PSMC4: variants seen among roughly 807,000 people sequenced by gnomAD.
PSMC4 encodes the protein proteasome 26S subunit, ATPase 4.
In PSMC4, 13 loss-of-function variants were observed where a neutral mutation model predicts 48.4. The ratio of observed to expected loss-of-function variants is 0.27; its 90% confidence interval spans 0.18 to 0.43. The LOEUF (loss-of-function observed/expected upper bound fraction) is 0.43. PSMC4 is among the 20% of genes least tolerant of loss of function. PSMC4 has a pLI of 1.00. For missense variants in PSMC4, 262 were observed against 555.9 expected (o/e 0.47, Z 5.32); for synonymous variants, 202 against 212.3 (o/e 0.95, Z 0.42).
Position 39,980,721 on chromosome 19 carries a change from A to G in PSMC4, c.1143+4A>G. ...TATTAACTCCATCTGTCAGGAGGTAAGTGGTGGTTTCTCTCTGGATCCAGG... is the reference window on the plus strand; with the variant it reads ...TATTAACTCCATCTGTCAGGAGGTAGGTGGTGGTTTCTCTCTGGATCCAGG... On this transcript the variant is annotated splice_donor_region_variant and intron_variant, in intron 10 of 10. Transcript: ENST00000157812. The surrounding 1 kb of genome is among the most constrained non-coding windows in gnomAD (Gnocchi z 4.8). 1 of 1,613,842 alleles carries G rather than the reference A, an allele frequency of 6.2e-7. No individual in the cohort carries two copies. Among genetic ancestry groups the G allele is most frequent in the African/African-American group, 1.3e-5 (1 of 75,014 alleles).
chr19:39,974,324 C>T lies in PSMC4; in HGVS notation c.353C>T (p.Thr118Ile). The stretch of plus-strand genomic sequence containing the variant: ...AACTATTATGTGCGCATCCTGAGCA[C>T]CATCGATCGGGAGCTGCTCAAGCCC... ...GSNYYVRILS[T>I]IDRELLKPNA... Residue 118 changes from threonine to isoleucine, a missense_variant, in exon 4 of 11, where the codon ACC becomes ATC. Thr to Ile is a moderately conservative substitution (Grantham distance 89). This residue lies in a region of PSMC4 where 131 missense variants were observed against 276.7 expected (regional missense o/e 0.47). Transcript: ENST00000157812. The surrounding 1 kb of genome is among the most constrained non-coding windows in gnomAD (Gnocchi z 5.5). The T allele has an allele frequency of 6.2e-7, 1 of 1,614,188 alleles. No homozygotes were observed. The highest frequency in any genetic ancestry group is 8.5e-7 in the Non-Finnish European group (1 of 1,180,036).
At chr19:39,972,624 C>T in intron 3 of PSMC4, 69 bp downstream of exon 3, 3 of 1,450,322 alleles carry the variant, frequency 2.1e-6, no homozygotes, top group Non-Finnish European at 2.8e-6. Context: ...TGCTAGGCAG[C>T]AGCAAACAAG....
Position 39,980,247 on chromosome 19 carries a change from G to A in PSMC4, c.919-39G>A. The stretch of plus-strand genomic sequence containing the variant: ...GGTTATCGTGACAGGAAGGAGGTAG[G>A]AGTGCAGAGATCTGAGCTGGCCTGC... On this transcript the variant is annotated intron_variant, in intron 8 of 10. Coordinates refer to ENST00000157812, the MANE Select transcript of PSMC4 (RefSeq NM_006503.4). The surrounding 1 kb of genome is among the most constrained non-coding windows in gnomAD (Gnocchi z 4.8). 1 of 1,613,670 alleles carries A rather than the reference G, an allele frequency of 6.2e-7. No homozygotes were observed. Among genetic ancestry groups the A allele is most frequent in the Non-Finnish European group, 8.5e-7 (1 of 1,179,802 alleles).
At chr19:39,971,342 G>A (rs1971097726) in intron 1 of PSMC4, 104 bp downstream of exon 1, 2 of 1,453,004 alleles carry the variant, frequency 1.4e-6, no homozygotes, top group Non-Finnish European at 1.9e-6. Flanking sequence ...CCCGGCCCAG[G>A]TTGGGGTTAT....
At position 39,979,828 on chromosome 19, in the gene PSMC4, C is replaced by T. The variant is rs769357146; in HGVS notation, c.685C>T (p.Arg229Trp). The change falls in exon 7 of 11, where the codon CGG (arginine) becomes TGG (tryptophan). Residue 229 changes from arginine (R) to tryptophan (W), a missense_variant. Physicochemically the swap from Arg to Trp is moderately radical, Grantham distance 101. Coordinates refer to ENST00000157812, the MANE Select transcript of PSMC4 (RefSeq NM_006503.4). ...CATCCTGTCATCAGCTGCATTCATC[C>T]GGGTCGTGGGCTCGGAGTTTGTACA... Reference protein sequence around the residue: ...VAHHTTAAFIRVVGSEFVQKY... With the variant: ...VAHHTTAAFIWVVGSEFVQKY... The T allele has an allele frequency of 3.1e-6, 5 of 1,602,664 alleles. No individual in the cohort carries two copies. The highest frequency in any genetic ancestry group is 3.4e-6 in the Non-Finnish European group (4 of 1,170,276).
At chr19:39,972,939 T>G (rs1234663594) in intron 3 of PSMC4, among the ~76,000 whole-genome samples, 1 of 151,844 alleles carries the variant, frequency 6.6e-6, no homozygotes, top group Admixed American at 6.6e-5. Context: ...AGAGACAGGG[T>G]TTCACCATGT....
In PSMC4 at chr19:39,980,918, G is replaced by A. The variant is rs941730586; in HGVS notation, c.1143+201G>A. 5.9e-5 allele frequency among the ~76,000 whole-genome samples: 9 copies of A among 152,026 alleles called. No homozygotes were observed. Among genetic ancestry groups the A allele is most frequent in the Non-Finnish European group, 1.3e-4 (9 of 68,006 alleles). On this transcript the variant is annotated intron_variant, in intron 10 of 10. Transcript: ENST00000157812. This position sits in a 1 kb window ranked among gnomAD's most constrained non-coding sequence, Gnocchi z 4.8. ...CTTTGAGACAGGGACTCACTCTGTC[G>A]CCCAGGCTGGAGTGCAGTGGGGCAA... is the stretch of plus-strand genomic sequence containing the variant.
chr19:39,973,830 TGAG>T (rs1461624404), intron 3 of PSMC4, among the ~76,000 whole-genome samples: 2 of 151,976 alleles, frequency 1.3e-5, no homozygotes, highest in Non-Finnish European at 2.9e-5. Flanking sequence ...TATGAGGAAG[TGAG>T]GAGAGGGTGG....
Position 39,974,660 on chromosome 19 carries a change from GGA to G in PSMC4, c.579+31_579+32del. 2 of 1,602,600 alleles carry G rather than the reference GGA, an allele frequency of 1.2e-6. No homozygotes were observed. The highest frequency in any genetic ancestry group is 4.5e-5 in the East Asian group (2 of 44,864). ...TGAGGCGGTGCAGGTGGCAGGGAAG[GGA>G]GAGGCCCCATTGGGTCTGGGGTTGG... On this transcript the variant is annotated intron_variant, in intron 5 of 10. Transcript: ENST00000157812. This position sits in a 1 kb window ranked among gnomAD's most constrained non-coding sequence, Gnocchi z 5.5.
chr19:39,972,698 CATAT>C, intron 3 of PSMC4, 143 bp downstream of exon 3: 8 of 522,948 alleles, frequency 1.5e-5, no homozygotes, highest in Non-Finnish European at 2.0e-5. Flanking sequence ...GAAATACATA[CATAT>C]ATATATATAT....
rs1971275316 is a variant in PSMC4 at position 39,980,741 on chromosome 19, TC to T, written c.1143+26del. On this transcript the variant is annotated intron_variant, in intron 10 of 10. Coordinates refer to ENST00000157812, the MANE Select transcript of PSMC4 (RefSeq NM_006503.4). This position sits in a 1 kb window ranked among gnomAD's most constrained non-coding sequence, Gnocchi z 4.8. ...AGGTAAGTGGTGGTTTCTCTCTGGA[TC>T]CAGGCAGCGGGTGTGTGAGGACCCT... 1 of 1,610,816 alleles carries T rather than the reference TC, an allele frequency of 6.2e-7. No individual in the cohort carries two copies. Among genetic ancestry groups the T allele is most frequent in the African/African-American group, 1.3e-5 (1 of 74,946 alleles).
rs1272940637 is a variant in PSMC4 at position 39,972,410 on chromosome 19, A to G, written c.177A>G (p.Glu59=). ...TGGAGTTCCTGGAGGTGCAGGAGGA[A>G]TACATCAAAGATGAGCAAAAGAACC... ...QELEFLEVQE[E]YIKDEQKNLK... Residue 59 remains glutamate, a synonymous_variant, in exon 3 of 11, where the codon GAA becomes GAG. Transcript: ENST00000157812. 1 of 1,614,174 alleles carries G rather than the reference A, an allele frequency of 6.2e-7. No homozygotes were observed. The highest frequency in any genetic ancestry group is 8.5e-7 in the Non-Finnish European group (1 of 1,180,012).
chr19:39,976,252 T>C (rs368701053), intron 6 of PSMC4, among the ~76,000 whole-genome samples: 3 of 131,690 alleles, frequency 2.3e-5, no homozygotes, highest in South Asian at 4.8e-4. Context: ...AAAATATATA[T>C]ATATATATAT....
In PSMC4 at chr19:39,972,518, T is replaced by G; in HGVS notation, c.285T>G (p.Ala95=). The change falls in exon 3 of 11, where the codon GCT becomes GCG. Residue 95 remains alanine, a synonymous_variant. Coordinates refer to ENST00000157812, the MANE Select transcript of PSMC4 (RefSeq NM_006503.4). ...IPLVIGQFLE[A]VDQNTAIVGS... ...TGGTCATCGGACAATTTCTGGAGGC[T>G]GTGGATCAGAATACAGCCATCGTGG... 6.2e-7 allele frequency: 1 copy of G among 1,614,060 alleles called. No homozygotes were observed. The highest frequency in any genetic ancestry group is 8.5e-7 in the Non-Finnish European group (1 of 1,179,994).
chr19:39,979,227 T>G (rs1319457716), intron 6 of PSMC4, among the ~76,000 whole-genome samples: 2 of 152,194 alleles, frequency 1.3e-5, no homozygotes. Context: ...TTTCTTATTT[T>G]AGTATTTCAT....
intron 1 of PSMC4, among the ~76,000 whole-genome samples, chr19:39,971,736 G>A (rs1307289265): frequency 6.6e-6 from 1 of 152,100 alleles, no homozygotes; most frequent in East Asian, 1.9e-4. Context: ...GATCTTTGAG[G>A]GGAAACTGGG....
At position 39,974,891 on chromosome 19, in the gene PSMC4, C is replaced by T. The variant is rs77624613; in HGVS notation, c.673+63C>T. The T allele has an allele frequency of 5.5e-6, 8 of 1,445,294 alleles. No individual in the cohort carries two copies. Among genetic ancestry groups the T allele is most frequent in the East Asian group, 4.6e-5 (2 of 43,404 alleles). 89.5% of individuals were successfully genotyped at this position (1,445,294 alleles called of 1,614,324 possible). On this transcript the variant is annotated intron_variant, in intron 6 of 10. Transcript: ENST00000157812. This position sits in a 1 kb window ranked among gnomAD's most constrained non-coding sequence, Gnocchi z 5.5. The stretch of plus-strand genomic sequence containing the variant: ...TGGCCTCTTCGCCTTGCTCCCTGCT[C>T]GCTCACTGGCACTGCACAGTAATTA...
rs758704054 is a variant in PSMC4 at position 39,979,938 on chromosome 19, C to T, written c.795C>T (p.Asp265=). ...ATGCACCTGCCATCATCTTCATAGA[C>T]GAGATTGATGCCATCGCCACCAAGA... ...KENAPAIIFI[D]EIDAIATKRF... Residue 265 remains aspartate (D), a synonymous_variant, in exon 7 of 11, where the codon GAC becomes GAT. Coordinates refer to ENST00000157812, the MANE Select transcript of PSMC4 (RefSeq NM_006503.4). 13 of 1,613,926 alleles carry T rather than the reference C, an allele frequency of 8.1e-6. No individual in the cohort carries two copies. Among genetic ancestry groups the T allele is most frequent in the African/African-American group, 2.7e-5 (2 of 74,896 alleles).
chr19:39,976,169 G>A (rs1339614024), intron 6 of PSMC4, among the ~76,000 whole-genome samples: 3 of 150,880 alleles, frequency 2.0e-5, no homozygotes, highest in South Asian at 2.1e-4. Flanking sequence ...CCCAGGAGGC[G>A]GAGCTTGCAG....
Sources: gnomAD v4.1 joint callset for allele counts (sites outside exome capture counted in the v4.1 genomes callset) on GRCh38, gnomAD v4.1.1 for gene constraint, gnomAD v4.1.1 regional missense constraint, Gnocchi (gnomAD v3.1) non-coding constraint, MANE v1.5 for transcripts, NCBI Gene and HGNC (gene_info 2026-07-23, HGNC 2026-07-21) for gene names.